GPC6: variants seen among roughly 807,000 people sequenced by gnomAD.
GPC6 encodes glypican-6.
Under a neutral mutation model 55.2 loss-of-function variants are expected in GPC6, and 14 were observed. That is an observed-to-expected ratio of 0.25 (90% CI 0.17 to 0.40). The LOEUF is 0.40. GPC6 is among the 10% of genes least tolerant of loss of function. The pLI is 1.00. For synonymous variants in GPC6, 278 were observed against 259.6 expected (o/e 1.07, Z -0.68); for missense variants, 641 against 708.5 (o/e 0.90, Z 1.08).
At chr13:93,833,488 A>G (rs1400525859) in intron 3 of GPC6, among the ~76,000 whole-genome samples, 1 of 152,182 alleles carries the variant, frequency 6.6e-6, no homozygotes, top group African/African-American at 2.4e-5. Flanking sequence ...AGAAATGATG[A>G]CAGAAGAGTT....
chr13:94,376,651 T>A lies in GPC6; in HGVS notation c.1153-5763T>A, dbSNP rs1156523890. Among the ~76,000 whole-genome samples the A allele has an allele frequency of 4.0e-5, 6 of 151,652 alleles. No homozygotes were observed. In the East Asian group the frequency reaches 9.7e-4, roughly 24 times the overall value. On this transcript the variant is annotated intron_variant, in intron 6 of 8. Coordinates refer to ENST00000377047, the MANE Select transcript of GPC6 (RefSeq NM_005708.5). ...AAGGTAATTTACAGATTCAATGCCA[T>A]CCCCATCAAGCTACCAATGACTTCC...
chr13:93,905,624 T>G (rs535444044), intron 3 of GPC6, among the ~76,000 whole-genome samples: 4 of 152,356 alleles, frequency 2.6e-5, no homozygotes, highest in African/African-American at 9.6e-5. Flanking sequence ...GAAGCTAATT[T>G]AATCAATAAA....
At chr13:93,472,229 AT>A (rs887318685) in intron 1 of GPC6, among the ~76,000 whole-genome samples, 68 of 151,910 alleles carry the variant, frequency 4.5e-4, no homozygotes, top group Non-Finnish European at 1.0e-4. Flanking sequence ...TTGGGATGTT[AT>A]TTTTCTGGCC....
intron 2 of GPC6, among the ~76,000 whole-genome samples, chr13:93,557,684 G>A (rs1414279289): frequency 6.6e-6 from 1 of 152,130 alleles, no homozygotes; most frequent in Non-Finnish European, 1.5e-5. Context: ...TAGCAGATTA[G>A]CAATCAGTGA....
At chr13:93,525,831 G>A (rs2139406159) in intron 1 of GPC6, among the ~76,000 whole-genome samples, 1 of 152,162 alleles carries the variant, frequency 6.6e-6, no homozygotes, top group East Asian at 1.9e-4. Context: ...GTAGAGAAAT[G>A]TAAAGTGATT....
At chr13:93,230,246 A>T (rs1325257257) in intron 1 of GPC6, among the ~76,000 whole-genome samples, 1 of 152,272 alleles carries the variant, frequency 6.6e-6, no homozygotes, top group East Asian at 1.9e-4. Flanking sequence ...AGTAATAAGG[A>T]CATTATGTTT....
chr13:94,129,699 A>G (rs1402398905), intron 4 of GPC6, among the ~76,000 whole-genome samples: 1 of 151,996 alleles, frequency 6.6e-6, no homozygotes, highest in Non-Finnish European at 1.5e-5. Context: ...TCCCCTGTGT[A>G]ACTATTTCCC....
At chr13:93,885,985 T>C (rs1398398531) in intron 3 of GPC6, among the ~76,000 whole-genome samples, 4 of 152,090 alleles carry the variant, frequency 2.6e-5, no homozygotes, top group African/African-American at 9.7e-5. Flanking sequence ...GGCACTGTGT[T>C]TTATTTCATT....
At chr13:93,779,288 A>G (rs1049900414) in intron 2 of GPC6, among the ~76,000 whole-genome samples, 8 of 152,306 alleles carry the variant, frequency 5.3e-5, no homozygotes, top group Non-Finnish European at 1.0e-4. Flanking sequence ...ATCAATGTTA[A>G]TTACTATTTT....
Position 94,352,682 on chromosome 13 carries a change from T to C in GPC6, c.1153-29732T>C, listed in dbSNP as rs144297940. Among the ~76,000 whole-genome samples, 1,248 of 152,324 alleles carry C rather than the reference T, an allele frequency of 8.2e-3. 8 individuals are homozygous for C. The highest frequency in any genetic ancestry group is 0.02 in the Middle Eastern group (6 of 294). On this transcript the variant is annotated intron_variant, in intron 6 of 8. Transcript: ENST00000377047. The stretch of plus-strand genomic sequence containing the variant: ...ACCTCAGGTTCTGCCCTATTCCTTA[T>C]GGCTTTTCTACACTCTGCTGTCACC...
intron 2 of GPC6, among the ~76,000 whole-genome samples, chr13:93,817,866 ATG>A (rs1886909345): frequency 1.1e-5 from 1 of 93,928 alleles, no homozygotes; most frequent in Non-Finnish European, 2.0e-5. Context: ...TCAAAAAATA[ATG>A]TATAGATAGA....
intron 4 of GPC6, among the ~76,000 whole-genome samples, chr13:94,271,382 G>GCACA (rs60762188): frequency 0.05 from 6,365 of 126,656 alleles, 193 homozygotes; most frequent in Middle Eastern, 0.084. Flanking sequence ...GCGCGCGCGC[G>GCACA]CACACACACA....
chr13:93,385,982 G>A (rs1431920925), intron 1 of GPC6, among the ~76,000 whole-genome samples: 5 of 151,368 alleles, frequency 3.3e-5, no homozygotes, highest in Admixed American at 6.6e-5. Context: ...ATAAATGAAG[G>A]GTCCAATGGC....
At chr13:93,730,409 C>T (rs1256416428) in intron 2 of GPC6, among the ~76,000 whole-genome samples, 4 of 152,160 alleles carry the variant, frequency 2.6e-5, no homozygotes, top group Non-Finnish European at 5.9e-5. Flanking sequence ...TTTTCAATAT[C>T]AAATTGCAAA....
intron 1 of GPC6, among the ~76,000 whole-genome samples, chr13:93,528,799 A>T (rs1262631293): frequency 1.3e-5 from 2 of 152,334 alleles, no homozygotes; most frequent in South Asian, 2.1e-4. Context: ...CAAATGGAAA[A>T]TGAGCCTGTA....
intron 3 of GPC6, among the ~76,000 whole-genome samples, chr13:93,973,749 G>T (rs1244542968): frequency 2.0e-5 from 3 of 152,086 alleles, no homozygotes; most frequent in Non-Finnish European, 2.9e-5. Flanking sequence ...GAACATAAAA[G>T]ATCAACTTTT....
chr13:93,391,121 T>G, intron 1 of GPC6, among the ~76,000 whole-genome samples: 1 of 152,134 alleles, frequency 6.6e-6, no homozygotes, highest in East Asian at 1.9e-4. Context: ...GAGTTCATCA[T>G]GGAGCAGTGC....
At chr13:93,931,765 GAAAAAAA>G (rs545578327) in intron 3 of GPC6, among the ~76,000 whole-genome samples, 2 of 49,712 alleles carry the variant, frequency 4.0e-5, no homozygotes, top group Admixed American at 2.2e-4. Flanking sequence ...CTCTGTCTCA[GAAAAAAA>G]AAAAAAAAAA....
intron 1 of GPC6, among the ~76,000 whole-genome samples, chr13:93,403,070 A>G (rs1876150120): frequency 6.6e-6 from 1 of 152,206 alleles, no homozygotes; most frequent in African/African-American, 2.4e-5. Context: ...GTCAATAAAA[A>G]TAAGGATTTA....
Sources: allele counts gnomAD v4.1 joint callset (sites outside exome capture counted in the v4.1 genomes callset), GRCh38; gene constraint gnomAD v4.1.1; transcripts MANE v1.5; gene names NCBI Gene and HGNC (gene_info 2026-07-23, HGNC 2026-07-21).